Variants in RABGAP1L observed in about 807,000 individuals in gnomAD.
The protein encoded by RABGAP1L is rab GTPase-activating protein 1-like.
A neutral mutation model predicts 137.7 loss-of-function variants in RABGAP1L; 63 were observed. That is an observed-to-expected ratio of 0.46 (90% CI 0.37 to 0.56). The LOEUF (loss-of-function observed/expected upper bound fraction) is 0.56, where lower values mean the gene tolerates loss of function less well. Among genes scored for constraint, RABGAP1L ranks in the 20% least tolerant of loss-of-function variants. The pLI is 0.00. For missense variants in RABGAP1L, 1,095 were observed against 1,244.0 expected, an observed-to-expected ratio of 0.88 and a Z score of 1.80; for synonymous variants, 431 against 433.7, an observed-to-expected ratio of 0.99 and a Z score of 0.08.
chr1:174,819,125 G>A (rs529365743), intron 19 of RABGAP1L, among the ~76,000 whole-genome samples: 2 of 145,948 alleles, frequency 1.4e-5, no homozygotes, highest in African/African-American at 5.1e-5. Flanking sequence ...GGAGGCTGCA[G>A]TGAGCTATGA....
At chr1:174,425,098 G>A (rs1224948828) in intron 13 of RABGAP1L, among the ~76,000 whole-genome samples, 1 of 151,948 alleles carries the variant, frequency 6.6e-6, no homozygotes, top group Non-Finnish European at 1.5e-5. Flanking sequence ...GAATCTTTTG[G>A]TCATGCCGAG....
intron 13 of RABGAP1L, among the ~76,000 whole-genome samples, chr1:174,611,303 T>C (rs1671225915): frequency 6.6e-6 from 1 of 151,624 alleles, no homozygotes; most frequent in Non-Finnish European, 1.5e-5. Context: ...CACCATTTAT[T>C]AAATAGGGAA....
At chr1:174,930,224 T>C (rs1051977179) in intron 19 of RABGAP1L, among the ~76,000 whole-genome samples, 3 of 152,094 alleles carry the variant, frequency 2.0e-5, no homozygotes, top group African/African-American at 7.2e-5. Context: ...ACTCAGTTTG[T>C]TGACCAGACT....
intron 18 of RABGAP1L, among the ~76,000 whole-genome samples, chr1:174,805,404 T>A (rs1689192012): frequency 6.6e-6 from 1 of 152,208 alleles, no homozygotes; most frequent in Non-Finnish European, 1.5e-5. Context: ...GTAAACATGG[T>A]TCATATTATT....
intron 15 of RABGAP1L, among the ~76,000 whole-genome samples, chr1:174,692,149 T>C (rs1012660283): frequency 3.3e-5 from 5 of 152,176 alleles, no homozygotes; most frequent in Non-Finnish European, 7.4e-5. Flanking sequence ...TTGTGTGGTA[T>C]GACTTCATTA....
chr1:174,935,752 C>T (rs568452347), intron 19 of RABGAP1L, among the ~76,000 whole-genome samples: 2 of 152,126 alleles, frequency 1.3e-5, no homozygotes, highest in East Asian at 1.9e-4. Context: ...GAGGCCGAGG[C>T]GGGCGGATCA....
chr1:174,362,001 T>C (rs1197347493), intron 11 of RABGAP1L, among the ~76,000 whole-genome samples: 2 of 152,212 alleles, frequency 1.3e-5, no homozygotes, highest in Non-Finnish European at 2.9e-5. Context: ...GTTCTCACCA[T>C]TCAGCTCCCA....
At chr1:174,922,991 G>T (rs10436863) in intron 19 of RABGAP1L, among the ~76,000 whole-genome samples, 89,616 of 151,808 alleles carry the variant, frequency 0.59, 29,343 homozygotes, top group African/African-American at 0.89. Flanking sequence ...CCGGGCAACA[G>T]AGGGAGACCT....
At chr1:174,221,247 T>G (rs1669732888) in intron 3 of RABGAP1L, 83 bp downstream of exon 3, 3 of 1,133,296 alleles carry the variant, frequency 2.6e-6, no homozygotes, top group East Asian at 5.3e-5. Context: ...CAGAAAAAAT[T>G]GTTAGCTCTT....
chr1:174,777,925 T>C (rs922645187), intron 18 of RABGAP1L, among the ~76,000 whole-genome samples: 1 of 152,090 alleles, frequency 6.6e-6, no homozygotes, highest in Non-Finnish European at 1.5e-5. Flanking sequence ...GCCTAATGAA[T>C]GTGTAATTGG....
At chr1:174,941,946 CA>C (rs1441297500) in intron 19 of RABGAP1L, among the ~76,000 whole-genome samples, 6 of 152,258 alleles carry the variant, frequency 3.9e-5, no homozygotes, top group Admixed American at 3.9e-4. Context: ...CTTTGTATCC[CA>C]CATAGCATGT....
chr1:174,344,727 A>G (rs1311526885), intron 11 of RABGAP1L, among the ~76,000 whole-genome samples: 2 of 152,184 alleles, frequency 1.3e-5, no homozygotes, highest in Admixed American at 6.5e-5. Flanking sequence ...CTAGTTATTA[A>G]TAATAAGGAA....
At chr1:174,543,974 T>C (rs1665743714) in intron 13 of RABGAP1L, among the ~76,000 whole-genome samples, 1 of 152,246 alleles carries the variant, frequency 6.6e-6, no homozygotes, top group South Asian at 2.1e-4. Context: ...GCTGTTAGTC[T>C]GATAGGCTTC....
At chr1:174,296,468 A>G (rs1366915528) in intron 10 of RABGAP1L, among the ~76,000 whole-genome samples, 1 of 152,252 alleles carries the variant, frequency 6.6e-6, no homozygotes, top group Non-Finnish European at 1.5e-5. Flanking sequence ...TTCCATTAAA[A>G]TATGGACTCA....
intron 11 of RABGAP1L, among the ~76,000 whole-genome samples, chr1:174,327,406 T>G (rs1680533499): frequency 6.6e-6 from 1 of 152,104 alleles, no homozygotes. Flanking sequence ...AGTTAGTGTT[T>G]TTTTTGAACA....
chr1:174,496,833 C>G (rs1660778916), intron 13 of RABGAP1L, among the ~76,000 whole-genome samples: 1 of 152,196 alleles, frequency 6.6e-6, no homozygotes, highest in South Asian at 2.1e-4. Flanking sequence ...AAAGAGACTG[C>G]TTTAAACTAG....
chr1:174,453,088 G>A (rs1266877032), intron 13 of RABGAP1L, among the ~76,000 whole-genome samples: 1 of 152,144 alleles, frequency 6.6e-6, no homozygotes, highest in Admixed American at 6.5e-5. Context: ...TGAAGACATC[G>A]TTTGAGATTA....
rs1400943978 is a variant in RABGAP1L at position 174,943,905 on chromosome 1, G to A, written c.2341-13552G>A. Among the ~76,000 whole-genome samples the A allele has an allele frequency of 2.0e-5, 3 of 152,176 alleles. No homozygotes were observed. In the East Asian group the frequency reaches 5.8e-4, roughly 29 times the overall value. Reference sequence around the variant, plus strand: ...TAGACTGTGCCTTTGTTCCAGGACGGCTTTACCTGCTACATAGTAAATAGT... The same window carrying A: ...TAGACTGTGCCTTTGTTCCAGGACGACTTTACCTGCTACATAGTAAATAGT... On this transcript the variant is annotated intron_variant, in intron 19 of 25. Transcript: ENST00000681986.
intron 12 of RABGAP1L, among the ~76,000 whole-genome samples, chr1:174,387,244 C>G (rs766928848): frequency 1.2e-4 from 19 of 152,168 alleles, no homozygotes; most frequent in Non-Finnish European, 2.2e-4. Context: ...TTCATTCATT[C>G]AACTTTTAAG....
Sources: gnomAD v4.1 joint callset for allele counts (sites outside exome capture counted in the v4.1 genomes callset) on GRCh38, gnomAD v4.1.1 for gene constraint, MANE v1.5 for transcripts, NCBI Gene and HGNC (gene_info 2026-07-23, HGNC 2026-07-21) for gene names.